CIT: variants seen among roughly 807,000 people sequenced by gnomAD.
CIT encodes citron Rho-interacting kinase.
Under a neutral mutation model 272.7 loss-of-function variants are expected in CIT, and 79 were observed. That is an observed-to-expected ratio of 0.29 (90% CI 0.24 to 0.35). CIT has a LOEUF of 0.35. Among genes scored for constraint, CIT ranks in the 10% least tolerant of loss-of-function variants. The pLI, the probability that CIT is intolerant of heterozygous loss-of-function variation, is 1.00. For missense variants in CIT, 1,909 were observed against 2,618.3 expected, an observed-to-expected ratio of 0.73 and a Z score of 5.91; for synonymous variants, 948 against 995.6, an observed-to-expected ratio of 0.95 and a Z score of 0.90.
In CIT at chr12:119,785,009, A is replaced by G; in HGVS notation, c.1352T>C (p.Leu451Pro). The G allele has an allele frequency of 6.2e-7, 1 of 1,614,168 alleles. No homozygotes were observed. The highest frequency in any genetic ancestry group is 8.5e-7 in the Non-Finnish European group (1 of 1,180,036). Residue 451 changes from leucine to proline, a missense_variant, in exon 11 of 48, where the codon CTT (leucine) becomes CCT (proline). By Grantham distance (98) the Leu-to-Pro change is moderately conservative. Transcript: ENST00000392521. Reference sequence around the variant, plus strand: ...TTGTAGCTCTTTGCTTTTGATGAGAAGTTTCTTTTCCATGGAGCTAGTCTT... The same window carrying G: ...TTGTAGCTCTTTGCTTTTGATGAGAGGTTTCTTTTCCATGGAGCTAGTCTT... ...PAKTSSMEKK[L>P]LIKSKELQDS...
intron 18 of CIT, among the ~76,000 whole-genome samples, chr12:119,767,577 A>G (rs927832989): frequency 6.6e-6 from 1 of 152,254 alleles, no homozygotes; most frequent in African/African-American, 2.4e-5. Context: ...ATATATGATT[A>G]TGATTTTTAA....
chr12:119,687,120 C>G lies in CIT; in HGVS notation c.*1112G>C, dbSNP rs2136881458. The G allele has an allele frequency of 6.5e-6, 1 of 152,980 alleles. No individual in the cohort carries two copies. Among genetic ancestry groups the G allele is most frequent in the Admixed American group, 6.5e-5 (1 of 15,304 alleles). 9.5% of individuals were successfully genotyped at this position (152,980 alleles called of 1,614,324 possible). ...TTTTTTGTTTGTTCAGTGCTACAGA[C>G]TGCAGCTTGTGGTGGCCAGTTAGTC... On this transcript the variant is annotated 3_prime_UTR_variant, in exon 48 of 48. Coordinates refer to ENST00000392521, the MANE Select transcript of CIT (RefSeq NM_001206999.2).
rs755827093 is a variant in CIT, at chr12:119,708,219, A to G, written c.5171T>C (p.Phe1724Ser). Residue 1724 changes from phenylalanine to serine, a missense_variant, in exon 40 of 48, where the codon TTT becomes TCT. By Grantham distance (155) the Phe-to-Ser change is radical. Around this residue, in one of 8 missense-constraint regions of CIT, gnomAD observed 780 missense variants for 1,067.2 expected, o/e 0.73. Coordinates refer to ENST00000392521, the MANE Select transcript of CIT (RefSeq NM_001206999.2). ...PAQPDISPNI[F>S]EAVKGCHLFG... is the part of the protein sequence containing the mutation. ...CAAGTGGCAGCCCTTGACAGCTTCAAAAATGTTGGGTGAGATGTCGGGCTG... is the reference window on the plus strand; with the variant it reads ...CAAGTGGCAGCCCTTGACAGCTTCAGAAATGTTGGGTGAGATGTCGGGCTG... 1 of 1,605,130 alleles carries G rather than the reference A, an allele frequency of 6.2e-7. No individual in the cohort carries two copies. Among genetic ancestry groups the G allele is most frequent in the South Asian group, 1.1e-5 (1 of 89,264 alleles).
At chr12:119,861,663 G>C (rs1241601445) in intron 3 of CIT, among the ~76,000 whole-genome samples, 1 of 152,000 alleles carries the variant, frequency 6.6e-6, no homozygotes, top group African/African-American at 2.4e-5. Flanking sequence ...CTGGACCCAA[G>C]AGCAAAAGCC....
rs753293581 is a variant in CIT at position 119,770,904 on chromosome 12, G to A, written c.2089C>T (p.Arg697Cys). The change falls in exon 18 of 48, where the codon CGC becomes TGC. Residue 697 changes from arginine (R) to cysteine (C), a missense_variant. Physicochemically the swap from Arg to Cys is radical, Grantham distance 180 (BLOSUM62 -3). Around this residue, in one of 8 missense-constraint regions of CIT, gnomAD observed 530 missense variants for 822.4 expected, o/e 0.64. Coordinates refer to ENST00000392521, the MANE Select transcript of CIT (RefSeq NM_001206999.2). This position sits in a 1 kb window ranked among gnomAD's most constrained non-coding sequence, Gnocchi z 4.4. ...TTTACCTTGTTCTCCAGAGAATGGC[G>A]GCGTTCCTGTAGATCATGAATCAAT... is the stretch of plus-strand genomic sequence containing the variant. ...RKKLVEAEER[R>C]HSLENKVKRL... The A allele has an allele frequency of 3.0e-5, 49 of 1,612,542 alleles. No individual in the cohort carries two copies. The highest frequency in any genetic ancestry group is 3.8e-5 in the Non-Finnish European group (45 of 1,179,844).
chr12:119,746,324 C>T lies in CIT; in HGVS notation c.2905-3860G>A, dbSNP rs115491854. 2.1e-3 allele frequency among the ~76,000 whole-genome samples: 322 copies of T among 152,200 alleles called. 2 individuals are homozygous for T. Among genetic ancestry groups the T allele is most frequent in the African/African-American group, 6.7e-3 (278 of 41,520 alleles). ...CTTCTAAAGCAAAAGCAGCCACAAA[C>T]GATATGTAAACAAACAGACATGTTT... On this transcript the variant is annotated intron_variant, in intron 23 of 47. Coordinates refer to ENST00000392521, the MANE Select transcript of CIT (RefSeq NM_001206999.2).
chr12:119,826,681 A>G (rs774974531), intron 7 of CIT, among the ~76,000 whole-genome samples: 3 of 152,206 alleles, frequency 2.0e-5, no homozygotes, highest in African/African-American at 7.2e-5. Context: ...CAGCTGTCCT[A>G]TAACTCTATA....
intron 8 of CIT, among the ~76,000 whole-genome samples, chr12:119,823,748 G>A (rs1218736223): frequency 2.6e-5 from 4 of 152,146 alleles, no homozygotes; most frequent in African/African-American, 9.6e-5. Flanking sequence ...CTTAAGAAAT[G>A]AGCTTCACAG....
chr12:119,715,897 C>T (rs541886008), intron 32 of CIT, among the ~76,000 whole-genome samples: 16 of 152,262 alleles, frequency 1.1e-4, no homozygotes, highest in South Asian at 8.3e-4. Flanking sequence ...CAACATCACC[C>T]CCCTTCCTTT....
chr12:119,845,843 G>A (rs769132466), intron 5 of CIT, among the ~76,000 whole-genome samples: 3 of 149,470 alleles, frequency 2.0e-5, no homozygotes, highest in South Asian at 2.1e-4. Context: ...CCAACTACTC[G>A]GGAGGCTGAG....
At chr12:119,791,997 C>G (rs751968960) in intron 10 of CIT, among the ~76,000 whole-genome samples, 2 of 152,116 alleles carry the variant, frequency 1.3e-5, no homozygotes, top group Non-Finnish European at 2.9e-5. Context: ...CGTGATGTAC[C>G]TGTAAATAAT....
chr12:119,857,808 T>C (rs764929144), intron 3 of CIT, 110 bp from the exon 4 acceptor site: 17 of 917,926 alleles, frequency 1.9e-5, no homozygotes, highest in Non-Finnish European at 2.8e-5. Context: ...TCCCTCACTG[T>C]CAAAGACATT....
chr12:119,719,739 T>TA (rs1382135114), intron 30 of CIT, among the ~76,000 whole-genome samples: 1 of 152,234 alleles, frequency 6.6e-6, no homozygotes, highest in Non-Finnish European at 1.5e-5. Flanking sequence ...GCTGCTATGG[T>TA]ATGCTTCTGC....
chr12:119,817,158 G>A (rs1309990076), intron 9 of CIT, among the ~76,000 whole-genome samples: 1 of 152,200 alleles, frequency 6.6e-6, no homozygotes, highest in African/African-American at 2.4e-5. Context: ...TTAGCAGGAT[G>A]CTGTATGTGG....
chr12:119,803,375 C>G lies in CIT; in HGVS notation c.1126G>C (p.Val376Leu). 1 of 1,566,146 alleles carries G rather than the reference C, an allele frequency of 6.4e-7. No homozygotes were observed. The highest frequency in any genetic ancestry group is 8.6e-7 in the Non-Finnish European group (1 of 1,160,890). Reference sequence around the variant, plus strand: ...TCATCGTCAGACTTGAGGGTGGGAACGAAGGGGGGAGGAGCTGGTTAAAGA... The same window carrying G: ...TCATCGTCAGACTTGAGGGTGGGAAGGAAGGGGGGAGGAGCTGGTTAAAGA... Reference protein sequence around the residue: ...NNIRNSPPPFVPTLKSDDDTS... With the variant: ...NNIRNSPPPFLPTLKSDDDTS... Residue 376 changes from valine to leucine, a missense_variant, in exon 10 of 48, where the codon GTT (valine) becomes CTT (leucine). Around this residue, in one of 8 missense-constraint regions of CIT, gnomAD observed 529 missense variants for 549.6 expected, o/e 0.96. Coordinates refer to ENST00000392521, the MANE Select transcript of CIT (RefSeq NM_001206999.2).
intron 15 of CIT, among the ~76,000 whole-genome samples, chr12:119,776,045 C>A (rs1016467479): frequency 3.9e-5 from 6 of 152,136 alleles, no homozygotes; most frequent in African/African-American, 1.4e-4. Flanking sequence ...CATGTAGGAC[C>A]AGCAACATAC....
Position 119,757,476 on chromosome 12 carries a change from C to T in CIT, c.2601G>A (p.Lys867=), listed in dbSNP as rs1961161649. 6.2e-7 allele frequency: 1 copy of T among 1,614,090 alleles called. No homozygotes were observed. Among genetic ancestry groups the T allele is most frequent in the African/African-American group, 1.3e-5 (1 of 74,920 alleles). ...QKFYLETQAG[K]LEAQNRKLEE... ...CCAGTTTTCGGTTCTGGGCCTCCAA[C>T]TTCCCAGCCTGTGTCTCCAGGTAAA... Residue 867 remains lysine, a synonymous_variant, in exon 22 of 48, where the codon AAG becomes AAA. Transcript: ENST00000392521.
At position 119,822,934 on chromosome 12, in the gene CIT, C is replaced by T. The variant is rs1181056013; in HGVS notation, c.997G>A (p.Asp333Asn). ...AAGCTTTGAATCAGATCAAGAAAGT[C>T]ACTGCTCACTTTGGGGTCATCTGGA... ...KFPDDPKVSS[D>N]FLDLIQSLLC... is the part of the protein sequence containing the mutation. Residue 333 changes from aspartate to asparagine, a missense_variant, in exon 9 of 48, where the codon GAC (aspartate) becomes AAC (asparagine). Asp to Asn is a conservative substitution (Grantham distance 23). This residue lies in a region of CIT where 529 missense variants were observed against 549.6 expected (regional missense o/e 0.96). Coordinates refer to ENST00000392521, the MANE Select transcript of CIT (RefSeq NM_001206999.2). 3.1e-6 allele frequency: 5 copies of T among 1,613,784 alleles called. No individual in the cohort carries two copies. The South Asian group carries it at 5.5e-5, about 18-fold the overall frequency.
rs1029613480 is a variant in CIT at position 119,713,608 on chromosome 12, C to T, written c.4347G>A (p.Leu1449=). 2 of 1,614,244 alleles carry T rather than the reference C, an allele frequency of 1.2e-6. No homozygotes were observed. Among genetic ancestry groups the T allele is most frequent in the African/African-American group, 2.7e-5 (2 of 75,070 alleles). Residue 1449 remains leucine, a synonymous_variant, in exon 34 of 48, where the codon TTG becomes TTA. Coordinates refer to ENST00000392521, the MANE Select transcript of CIT (RefSeq NM_001206999.2). This position sits in a 1 kb window ranked among gnomAD's most constrained non-coding sequence, Gnocchi z 5.2. ...VMCHPKCSTC[L]PATCGLPAEY... is the part of the protein sequence containing the mutation. ...CAGCAGGCAAGCCGCAGGTGGCTGG[C>T]AAGCACGTGGAGCACTTGGGGTGAC...
Sources: allele counts gnomAD v4.1 joint callset (sites outside exome capture counted in the v4.1 genomes callset), GRCh38; gene constraint gnomAD v4.1.1; regional missense constraint gnomAD v4.1.1; non-coding constraint Gnocchi (gnomAD v3.1); transcripts MANE v1.5; gene names NCBI Gene and HGNC (gene_info 2026-07-23, HGNC 2026-07-21).